CSTPP1: variants seen among roughly 807,000 people sequenced by gnomAD.
CSTPP1 encodes the protein UPF0705 protein C11orf49.
the CSTPP1 span, among the ~76,000 whole-genome samples, chr11:47,000,911 C>T: frequency 6.6e-6 from 1 of 152,016 alleles, no homozygotes; most frequent in Non-Finnish European, 1.5e-5. Context: ...TAGTATTATC[C>T]TCATTTTACT....
chr11:47,038,705 C>T, the CSTPP1 span, among the ~76,000 whole-genome samples: 3 of 123,472 alleles, frequency 2.4e-5, no homozygotes, highest in African/African-American at 7.6e-5. Context: ...CCCTGCCGGA[C>T]GAGGTGGCTC....
At chr11:47,162,958 C>T in the CSTPP1 span, among the ~76,000 whole-genome samples, 1 of 152,094 alleles carries the variant, frequency 6.6e-6, no homozygotes, top group Admixed American at 6.6e-5. Flanking sequence ...GGTGGGCCAA[C>T]TGCTTGAGCC....
the CSTPP1 span, among the ~76,000 whole-genome samples, chr11:47,033,823 G>T: frequency 1.3e-5 from 2 of 152,090 alleles, no homozygotes; most frequent in Admixed American, 6.6e-5. Context: ...GGGCCTTAAA[G>T]GTCCTTATAA....
chr11:46,982,855 C>A, the CSTPP1 span, among the ~76,000 whole-genome samples: 1 of 152,130 alleles, frequency 6.6e-6, no homozygotes, highest in Non-Finnish European at 1.5e-5. Flanking sequence ...AAGCACTATT[C>A]TAAGATGATT....
chr11:47,161,029 AGCAGAACAG>A, the CSTPP1 span: 19 of 1,506,940 alleles, frequency 1.3e-5, no homozygotes, highest in African/African-American at 9.6e-5. Context: ...TCGCAGGGTC[AGCAGAACAG>A]GCAGCCGTGA....
the CSTPP1 span, among the ~76,000 whole-genome samples, chr11:47,129,894 G>C: frequency 6.6e-6 from 1 of 152,198 alleles, no homozygotes; most frequent in South Asian, 2.1e-4. Flanking sequence ...CTAGAACAAA[G>C]ATACTGCCAA....
chr11:47,084,395 AT>A, the CSTPP1 span, among the ~76,000 whole-genome samples: 1 of 152,032 alleles, frequency 6.6e-6, no homozygotes, highest in East Asian at 1.9e-4. Context: ...AGAAGTTTTA[AT>A]TTTTTAGCAT....
chr11:47,136,721 C>G, the CSTPP1 span, among the ~76,000 whole-genome samples: 6 of 152,182 alleles, frequency 3.9e-5, no homozygotes, highest in Admixed American at 3.9e-4. Flanking sequence ...CACTCATCCT[C>G]CTCCCAATTA....
the CSTPP1 span, among the ~76,000 whole-genome samples, chr11:47,015,135 C>T: frequency 6.6e-6 from 1 of 152,064 alleles, no homozygotes; most frequent in Admixed American, 6.6e-5. Flanking sequence ...ACACAAAGGA[C>T]ATTCAAGAAT....
chr11:47,011,275 G>A, the CSTPP1 span, among the ~76,000 whole-genome samples: 2 of 152,098 alleles, frequency 1.3e-5, no homozygotes, highest in Non-Finnish European at 2.9e-5. Flanking sequence ...ATGCCAGATG[G>A]TAGAAATTTC....
At chr11:47,097,303 C>T in the CSTPP1 span, among the ~76,000 whole-genome samples, 1 of 130,160 alleles carries the variant, frequency 7.7e-6, no homozygotes, top group Non-Finnish European at 1.7e-5. Flanking sequence ...GCCCAGCCAG[C>T]CGCCCCGTCC....
the CSTPP1 span, among the ~76,000 whole-genome samples, chr11:46,960,932 T>C: frequency 6.6e-6 from 1 of 152,260 alleles, no homozygotes; most frequent in Non-Finnish European, 1.5e-5. Flanking sequence ...TAAATAATGT[T>C]TGATTGTATG....
the CSTPP1 span, among the ~76,000 whole-genome samples, chr11:47,073,349 G>A: frequency 6.6e-6 from 1 of 152,086 alleles, no homozygotes; most frequent in Non-Finnish European, 1.5e-5. Context: ...AGGTGCTACG[G>A]AGCATCAGGA....
the CSTPP1 span, among the ~76,000 whole-genome samples, chr11:47,067,096 T>A: frequency 1.3e-5 from 2 of 152,176 alleles, no homozygotes; most frequent in Admixed American, 1.3e-4. Flanking sequence ...TGCCAAAAAA[T>A]TGAGATTCAT....
the CSTPP1 span, among the ~76,000 whole-genome samples, chr11:47,073,635 C>T: frequency 6.6e-6 from 1 of 152,022 alleles, no homozygotes; most frequent in Non-Finnish European, 1.5e-5. Context: ...GCATTTTAGG[C>T]AGCATGAGCG....
At chr11:47,052,517 C>A in the CSTPP1 span, 1 of 1,612,872 alleles carries the variant, frequency 6.2e-7, no homozygotes, top group Non-Finnish European at 8.5e-7. Flanking sequence ...GCAAAAATGG[C>A]GGTAAGTCTT....
At chr11:47,038,675 G>A in the CSTPP1 span, among the ~76,000 whole-genome samples, 1 of 123,022 alleles carries the variant, frequency 8.1e-6, no homozygotes, top group Non-Finnish European at 2.0e-5. Flanking sequence ...TGGCCGGGCG[G>A]GGGGCTGACC....
the CSTPP1 span, among the ~76,000 whole-genome samples, chr11:46,947,656 ATTC>A: frequency 6.6e-6 from 1 of 152,210 alleles, no homozygotes; most frequent in African/African-American, 2.4e-5. Flanking sequence ...TTAAAGCACT[ATTC>A]TTTGGAGAAA....
At chr11:47,101,911 GA>G in the CSTPP1 span, among the ~76,000 whole-genome samples, 2 of 152,146 alleles carry the variant, frequency 1.3e-5, no homozygotes, top group Non-Finnish European at 1.5e-5. Flanking sequence ...TTTATATGAA[GA>G]AACATCAGTG....
Sources: gnomAD v4.1 joint callset for allele counts (sites outside exome capture counted in the v4.1 genomes callset) on GRCh38, gnomAD v4.1.1 for gene constraint, MANE v1.5 for transcripts, NCBI Gene and HGNC (gene_info 2026-07-23, HGNC 2026-07-21) for gene names.